The following PTPRD variants were observed in gnomAD, a reference collection of about 807,000 sequenced individuals.
PTPRD encodes the protein protein tyrosine phosphatase receptor type D.
A neutral mutation model predicts 214.5 loss-of-function variants in PTPRD; 34 were observed. The ratio of observed to expected loss-of-function variants is 0.16; its 90% CI spans 0.12 to 0.21. The LOEUF (loss-of-function observed/expected upper bound fraction) is 0.21, where lower values mean the gene tolerates loss of function less well. PTPRD is among the 10% of genes least tolerant of loss of function. The pLI is 1.00. For missense variants in PTPRD, 2,545 were observed against 2,398.7 expected, an observed-to-expected ratio of 1.06 and a Z score of -1.27; for synonymous variants, 1,128 against 845.7, an observed-to-expected ratio of 1.33 and a Z score of -5.79.
chr9:10,342,465 T>A (rs966281715), intron 2 of PTPRD, among the ~76,000 whole-genome samples: 2 of 152,228 alleles, frequency 1.3e-5, no homozygotes, highest in South Asian at 2.1e-4. Flanking sequence ...TAAAGAACGA[T>A]GACTGTTACT....
chr9:8,876,520 T>C (rs566181270), intron 11 of PTPRD, among the ~76,000 whole-genome samples: 17 of 152,326 alleles, frequency 1.1e-4, no homozygotes, highest in African/African-American at 3.1e-4. Flanking sequence ...GTAATCACTT[T>C]ACTACAGTAT....
intron 12 of PTPRD, among the ~76,000 whole-genome samples, chr9:8,696,903 A>C (rs767376378): frequency 6.6e-6 from 1 of 152,198 alleles, no homozygotes; most frequent in African/African-American, 2.4e-5. Context: ...AGCTACACAG[A>C]GGTGCACAGA....
At chr9:8,723,122 T>C (rs1378667666) in intron 12 of PTPRD, among the ~76,000 whole-genome samples, 2 of 152,150 alleles carry the variant, frequency 1.3e-5, no homozygotes, top group Non-Finnish European at 2.9e-5. Context: ...GAACCCTTTA[T>C]ACGACCTCCA....
chr9:10,469,996 G>A (rs2099019716), intron 2 of PTPRD, among the ~76,000 whole-genome samples: 2 of 151,914 alleles, frequency 1.3e-5, no homozygotes, highest in South Asian at 4.1e-4. Flanking sequence ...GTTACCAGAG[G>A]CTGGGTAGGG....
intron 9 of PTPRD, among the ~76,000 whole-genome samples, chr9:9,242,177 C>T (rs1470698891): frequency 6.6e-6 from 1 of 152,198 alleles, no homozygotes; most frequent in African/African-American, 2.4e-5. Context: ...TTGGTACCCA[C>T]TCTCTTCTGG....
rs1047244550 is a variant in PTPRD at position 9,823,690 on chromosome 9, G to C, written c.-367-56839C>G. On this transcript the variant is annotated intron_variant, in intron 5 of 45. Coordinates refer to ENST00000381196, the MANE Select transcript of PTPRD (RefSeq NM_002839.4). Reference sequence around the variant, plus strand: ...GTGAGTTAAAAAATTTGATGTCATGGAGGTAGAGAGTAGAATAATGACTAC... The same window carrying C: ...GTGAGTTAAAAAATTTGATGTCATGCAGGTAGAGAGTAGAATAATGACTAC... 1.3e-5 allele frequency among the ~76,000 whole-genome samples: 2 copies of C among 152,050 alleles called. 1 individual carries two copies. The highest frequency in any genetic ancestry group is 2.9e-5 in the Non-Finnish European group (2 of 68,006).
chr9:9,452,486 C>T (rs2092379298), intron 8 of PTPRD, among the ~76,000 whole-genome samples: 1 of 150,858 alleles, frequency 6.6e-6, no homozygotes, highest in South Asian at 2.1e-4. Flanking sequence ...TGGAAGTATA[C>T]ATCAAAAATG....
intron 5 of PTPRD, among the ~76,000 whole-genome samples, chr9:9,790,697 C>T (rs573420868): frequency 1.2e-4 from 18 of 152,292 alleles, no homozygotes; most frequent in African/African-American, 4.1e-4. Flanking sequence ...ATTAGACATT[C>T]ACACAAATGT....
At chr9:8,467,225 T>C (rs1435129021) in intron 31 of PTPRD, among the ~76,000 whole-genome samples, 1 of 151,914 alleles carries the variant, frequency 6.6e-6, no homozygotes, top group East Asian at 1.9e-4. Flanking sequence ...TGGGCATCAC[T>C]TGTTTAGCAA....
intron 2 of PTPRD, among the ~76,000 whole-genome samples, chr9:10,465,072 A>G (rs1362447194): frequency 1.3e-5 from 2 of 152,192 alleles, no homozygotes; most frequent in African/African-American, 4.8e-5. Flanking sequence ...ATAAAGGTGA[A>G]TAGTGTTATT....
At chr9:9,735,158 G>C (rs777508433) in intron 6 of PTPRD, among the ~76,000 whole-genome samples, 2 of 152,028 alleles carry the variant, frequency 1.3e-5, no homozygotes, top group East Asian at 3.9e-4. Flanking sequence ...GGCAATATCT[G>C]AACAGCACAA....
At chr9:9,518,408 T>C (rs1194207826) in intron 8 of PTPRD, among the ~76,000 whole-genome samples, 2 of 152,092 alleles carry the variant, frequency 1.3e-5, no homozygotes, top group East Asian at 3.9e-4. Context: ...ATATAATGTA[T>C]AGATGTAGAT....
chr9:9,335,878 A>G (rs777364127), intron 9 of PTPRD, among the ~76,000 whole-genome samples: 6 of 152,084 alleles, frequency 3.9e-5, no homozygotes, highest in Non-Finnish European at 7.4e-5. Context: ...AATGAAATGT[A>G]ACATGTTCAA....
chr9:8,814,083 C>T (rs560976942), intron 11 of PTPRD, among the ~76,000 whole-genome samples: 3 of 152,322 alleles, frequency 2.0e-5, no homozygotes, highest in East Asian at 1.9e-4. Context: ...GCACCTGACA[C>T]ATAATGATGC....
chr9:9,337,618 G>C (rs544797176), intron 9 of PTPRD, among the ~76,000 whole-genome samples: 1 of 152,198 alleles, frequency 6.6e-6, no homozygotes, highest in African/African-American at 2.4e-5. Context: ...CTGACAAATC[G>C]CATACGTGAA....
At chr9:8,658,701 T>A (rs1596278487) in intron 12 of PTPRD, among the ~76,000 whole-genome samples, 1 of 149,244 alleles carries the variant, frequency 6.7e-6, no homozygotes, top group Admixed American at 6.7e-5. Flanking sequence ...TGAAGACAAG[T>A]CAGAAATTCT....
intron 12 of PTPRD, among the ~76,000 whole-genome samples, chr9:8,661,580 A>T (rs1056444555): frequency 3.9e-5 from 6 of 152,190 alleles, no homozygotes; most frequent in Non-Finnish European, 8.8e-5. Context: ...ATTTTACAAC[A>T]CTTGTTCCTT....
At chr9:10,322,234 A>G (rs930857282) in intron 3 of PTPRD, among the ~76,000 whole-genome samples, 1 of 152,094 alleles carries the variant, frequency 6.6e-6, no homozygotes, top group Non-Finnish European at 1.5e-5. Flanking sequence ...ACCCATAAAA[A>G]AGATTATACA....
At chr9:9,765,257 A>G (rs1164142994) in intron 6 of PTPRD, among the ~76,000 whole-genome samples, 1 of 152,188 alleles carries the variant, frequency 6.6e-6, no homozygotes, top group Admixed American at 6.5e-5. Flanking sequence ...CTTCTTCCAT[A>G]TGAGTAACAC....
Sources: allele counts gnomAD v4.1 joint callset (sites outside exome capture counted in the v4.1 genomes callset), GRCh38; gene constraint gnomAD v4.1.1; transcripts MANE v1.5; gene names NCBI Gene and HGNC (gene_info 2026-07-23, HGNC 2026-07-21).